Variants in GALNTL6 observed in about 807,000 individuals in gnomAD.
The protein encoded by GALNTL6 is polypeptide N-acetylgalactosaminyltransferase-like 6.
GALNTL6 carries 46 observed loss-of-function variants against 73.7 expected under a neutral mutation model. The observed-to-expected ratio is 0.62, with a 90% CI of 0.49 to 0.80. The LOEUF (loss-of-function observed/expected upper bound fraction) is 0.80. Ranked by LOEUF, GALNTL6 falls within the 30% of genes least tolerant of loss-of-function variation. The pLI is 0.00. For missense variants in GALNTL6, 604 were observed against 755.0 expected, an observed-to-expected ratio of 0.80 and a Z score of 2.34; for synonymous variants, 259 against 263.7, an observed-to-expected ratio of 0.98 and a Z score of 0.17.
At chr4:172,418,009 C>T (rs1470341227) in intron 5 of GALNTL6, among the ~76,000 whole-genome samples, 2 of 152,110 alleles carry the variant, frequency 1.3e-5, no homozygotes, top group Non-Finnish European at 2.9e-5. Flanking sequence ...AGCAGCTTCA[C>T]CCCACTAAGC....
intron 3 of GALNTL6, among the ~76,000 whole-genome samples, chr4:172,284,289 T>G (rs1739172885): frequency 1.3e-5 from 2 of 152,354 alleles, no homozygotes; most frequent in East Asian, 3.9e-4. Context: ...TTACTTTTTT[T>G]CACATACATT....
chr4:172,117,146 G>A (rs953418239), intron 2 of GALNTL6, among the ~76,000 whole-genome samples: 1 of 152,020 alleles, frequency 6.6e-6, no homozygotes, highest in East Asian at 1.9e-4. Context: ...CAAAAACAAC[G>A]TAATAAACTA....
chr4:172,846,841 A>C (rs1431722746), intron 7 of GALNTL6, among the ~76,000 whole-genome samples: 1 of 152,222 alleles, frequency 6.6e-6, no homozygotes, highest in Non-Finnish European at 1.5e-5. Context: ...TATAATTCTG[A>C]CTACATGAAT....
At chr4:172,099,824 T>C (rs1732462604) in intron 2 of GALNTL6, among the ~76,000 whole-genome samples, 1 of 152,156 alleles carries the variant, frequency 6.6e-6, no homozygotes, top group Admixed American at 6.6e-5. Context: ...TCAGGTTTGG[T>C]CTTTGCATGA....
chr4:172,608,916 G>C (rs1432098804), intron 5 of GALNTL6, among the ~76,000 whole-genome samples: 3 of 151,836 alleles, frequency 2.0e-5, no homozygotes, highest in South Asian at 2.1e-4. Flanking sequence ...TCTTAATTTG[G>C]CTCTCAGCTT....
intron 5 of GALNTL6, among the ~76,000 whole-genome samples, chr4:172,689,091 A>G (rs995780458): frequency 1.7e-4 from 26 of 152,286 alleles, no homozygotes; most frequent in Admixed American, 1.6e-3. Flanking sequence ...GTTAGAAGTT[A>G]TATATGCTTG....
At chr4:172,715,696 T>C (rs551509587) in intron 5 of GALNTL6, among the ~76,000 whole-genome samples, 18 of 152,310 alleles carry the variant, frequency 1.2e-4, no homozygotes, top group African/African-American at 4.3e-4. Flanking sequence ...ATTTAAATCC[T>C]GGGGATTGAT....
intron 8 of GALNTL6, among the ~76,000 whole-genome samples, chr4:172,885,679 T>A (rs903329930): frequency 6.6e-6 from 1 of 152,226 alleles, no homozygotes; most frequent in African/African-American, 2.4e-5. Flanking sequence ...TTCAGTGTGA[T>A]CTTACATGTG....
At chr4:171,821,665 A>ATATATATATATG (rs1259102534) in intron 2 of GALNTL6, among the ~76,000 whole-genome samples, 17 of 136,970 alleles carry the variant, frequency 1.2e-4, no homozygotes, top group African/African-American at 4.2e-4. Context: ...ATATATATAT[A>ATATATATATATG]TAGTTATTAC....
intron 4 of GALNTL6, among the ~76,000 whole-genome samples, chr4:172,344,812 A>T (rs757590049): frequency 6.6e-5 from 10 of 152,126 alleles, no homozygotes; most frequent in Non-Finnish European, 1.3e-4. Flanking sequence ...ATCATTTTAT[A>T]TATCTGCTCA....
Position 172,238,620 on chromosome 4 carries a change from G to T in GALNTL6, c.247+8856G>T, listed in dbSNP as rs115651822. ...TTCTCTTGCCCAATTGCTCTGACTAGGACTTTCAGTACTATATTGAATAGG... is the reference window on the plus strand; with the variant it reads ...TTCTCTTGCCCAATTGCTCTGACTATGACTTTCAGTACTATATTGAATAGG... On this transcript the variant is annotated intron_variant, in intron 3 of 12. Transcript: ENST00000506823. Among the ~76,000 whole-genome samples, 654 of 151,746 alleles carry T rather than the reference G, an allele frequency of 4.3e-3. 7 individuals carry two copies. Among genetic ancestry groups the T allele is most frequent in the African/African-American group, 0.015 (627 of 41,476 alleles).
intron 5 of GALNTL6, among the ~76,000 whole-genome samples, chr4:172,473,605 T>C (rs1041989344): frequency 1.5e-4 from 23 of 152,226 alleles, no homozygotes; most frequent in Admixed American, 1.3e-3. Context: ...AAGTTCAAGA[T>C]AGACTTTCTT....
At chr4:172,052,599 G>A (rs548782013) in intron 2 of GALNTL6, 1 of 1,025,688 alleles carries the variant, frequency 9.7e-7, no homozygotes, top group Non-Finnish European at 1.4e-6. Flanking sequence ...TCTCATGGAC[G>A]CTTGTTGTTG....
intron 2 of GALNTL6, among the ~76,000 whole-genome samples, chr4:171,889,465 T>C (rs1736699955): frequency 6.6e-6 from 1 of 152,190 alleles, no homozygotes; most frequent in Non-Finnish European, 1.5e-5. Flanking sequence ...CCTGAAAGGT[T>C]TGAACTTTCA....
At chr4:171,921,446 G>A (rs1737784398) in intron 2 of GALNTL6, among the ~76,000 whole-genome samples, 3 of 151,982 alleles carry the variant, frequency 2.0e-5, no homozygotes, top group Non-Finnish European at 4.4e-5. Flanking sequence ...ATACATAAAT[G>A]CATATCTATA....
At chr4:172,624,359 G>T (rs939758934) in intron 5 of GALNTL6, among the ~76,000 whole-genome samples, 2 of 151,504 alleles carry the variant, frequency 1.3e-5, no homozygotes, top group African/African-American at 2.4e-5. Context: ...GGTTACAATT[G>T]TGTGGTTTTT....
chr4:172,391,924 G>A lies in GALNTL6; in HGVS notation c.553+43235G>A, dbSNP rs148030274. Among the ~76,000 whole-genome samples, 185 of 152,168 alleles carry A rather than the reference G, an allele frequency of 1.2e-3. 2 individuals are homozygous for A. The highest frequency in any genetic ancestry group is 4.1e-3 in the African/African-American group (172 of 41,524). ...GCTGATTTCCAATATCGATTGAAAG[G>A]ACACACTAATGAGAAAAATAAACTA... is the stretch of plus-strand genomic sequence containing the variant. On this transcript the variant is annotated intron_variant, in intron 5 of 12. Transcript: ENST00000506823.
chr4:172,253,667 A>T (rs996987413), intron 3 of GALNTL6, among the ~76,000 whole-genome samples: 2 of 151,982 alleles, frequency 1.3e-5, no homozygotes, highest in African/African-American at 4.8e-5. Context: ...AGAAGGTCAC[A>T]TTGTGATGGT....
intron 5 of GALNTL6, among the ~76,000 whole-genome samples, chr4:172,429,873 G>T (rs1288209149): frequency 6.6e-6 from 1 of 152,032 alleles, no homozygotes; most frequent in East Asian, 1.9e-4. Context: ...AATAATAATT[G>T]TCTATAAATA....
Sources: gnomAD v4.1 joint callset for allele counts (sites outside exome capture counted in the v4.1 genomes callset) on GRCh38, gnomAD v4.1.1 for gene constraint, MANE v1.5 for transcripts, NCBI Gene and HGNC (gene_info 2026-07-23, HGNC 2026-07-21) for gene names.